Variants in TEX15 observed in about 807,000 individuals in gnomAD.
TEX15 encodes testis expressed 15, meiosis and synapsis associated.
A neutral mutation model predicts 237.3 loss-of-function variants in TEX15; 171 were observed. The observed-to-expected ratio is 0.72, with a 90% CI of 0.64 to 0.82. TEX15 has a LOEUF of 0.82. TEX15 is among the 40% of genes least tolerant of loss of function. TEX15 has a pLI of 0.00. For synonymous variants in TEX15, 1,338 were observed against 1,269.8 expected (o/e 1.05, Z -1.14); for missense variants, 3,750 against 3,646.5 (o/e 1.03, Z -0.73).
rs1326973838 is a variant in TEX15, at chr8:30,842,827, T to C, written c.7340A>G (p.Glu2447Gly). The change falls in exon 8 of 11, where the codon GAA becomes GGA. Residue 2447 changes from glutamate (E) to glycine (G), a missense_variant. Transcript: ENST00000643185. ...AATTGTTTCTGAGACCATGACGATT[T>C]CAATATACATTTCAATAGCTTCAGG... ...LKPEAIEMYI[E>G]IVMVSETIHF... 6.2e-7 allele frequency: 1 copy of C among 1,613,054 alleles called. No individual in the cohort carries two copies.
At chr8:30,851,093 T>C (rs1004046091) in intron 7 of TEX15, among the ~76,000 whole-genome samples, 7 of 152,152 alleles carry the variant, frequency 4.6e-5, no homozygotes, top group Non-Finnish European at 8.8e-5. Context: ...TATGTAATCA[T>C]TCAAAGCAAA....
rs1262500374 is a variant in TEX15, at chr8:30,843,969, T to C, written c.6198A>G (p.Lys2066=). ...CTACCAAAGTGTCAACAGCACATGG[T>C]TTTAATGTGTGTTTGCAATTATTCC... is the stretch of plus-strand genomic sequence containing the variant. ...NLWNNCKHTL[K]PCAVDTLVEL... The change falls in exon 8 of 11, where the codon AAA becomes AAG. Residue 2066 remains lysine (K), a synonymous_variant. Coordinates refer to ENST00000643185, the MANE Select transcript of TEX15 (RefSeq NM_001350162.2). 2 of 1,613,008 alleles carry C rather than the reference T, an allele frequency of 1.2e-6. No individual in the cohort carries two copies. The highest frequency in any genetic ancestry group is 1.1e-5 in the South Asian group (1 of 90,984).
At chr8:30,871,291 T>C (rs1306075203) in intron 4 of TEX15, among the ~76,000 whole-genome samples, 1 of 152,052 alleles carries the variant, frequency 6.6e-6, no homozygotes, top group East Asian at 1.9e-4. Context: ...TTATGCTGCT[T>C]ACCACACACA....
At chr8:30,866,694 T>C (rs1808174842) in intron 5 of TEX15, among the ~76,000 whole-genome samples, 1 of 151,560 alleles carries the variant, frequency 6.6e-6, no homozygotes, top group Admixed American at 6.6e-5. Flanking sequence ...TGGTGGCTAT[T>C]TTCTTCTATA....
At position 30,837,262 on chromosome 8, in the gene TEX15, G is replaced by C. The variant is rs781431786; in HGVS notation, c.9022C>G (p.Leu3008Val). The change falls in exon 10 of 11, where the codon CTA becomes GTA. Residue 3008 changes from leucine to valine, a missense_variant. Coordinates refer to ENST00000643185, the MANE Select transcript of TEX15 (RefSeq NM_001350162.2). ...EQQNDKNSKV[L>V]MQNAATYWNE... ...CAATATGTGGCAGCATTCTGCATTA[G>C]GACTTTTGAATTTTTGTCATTCTGT... 6.2e-7 allele frequency: 1 copy of C among 1,614,118 alleles called. No individual in the cohort carries two copies. The highest frequency in any genetic ancestry group is 1.7e-5 in the Admixed American group (1 of 60,010).
intron 1 of TEX15, among the ~76,000 whole-genome samples, chr8:30,905,405 A>T (rs1433653152): frequency 2.0e-5 from 3 of 152,180 alleles, no homozygotes; most frequent in Non-Finnish European, 4.4e-5. Context: ...TAAAAATTTT[A>T]GTCCTACTTT....
At chr8:30,838,648 T>C (rs1266856950) in intron 9 of TEX15, among the ~76,000 whole-genome samples, 1 of 150,740 alleles carries the variant, frequency 6.6e-6, no homozygotes, top group African/African-American at 2.4e-5. Context: ...CAAATGGGAA[T>C]TGTCTAAAGC....
intron 3 of TEX15, chr8:30,886,955 G>A (rs188184476): frequency 3.7e-4 from 149 of 402,956 alleles, no homozygotes; most frequent in African/African-American, 2.2e-3. Flanking sequence ...TCATAAAAAT[G>A]TCCAGGGTTT....
chr8:30,868,009 A>G (rs1808209996), intron 4 of TEX15, among the ~76,000 whole-genome samples: 1 of 152,036 alleles, frequency 6.6e-6, no homozygotes, highest in African/African-American at 2.4e-5. Context: ...CATTTTCTAA[A>G]CAAAGTATCT....
chr8:30,844,053 T>C lies in TEX15; in HGVS notation c.6114A>G (p.Gln2038=). 1 of 1,611,968 alleles carries C rather than the reference T, an allele frequency of 6.2e-7. No individual in the cohort carries two copies. The change falls in exon 8 of 11, where the codon CAA becomes CAG. Residue 2038 remains glutamine (Q), a synonymous_variant. Coordinates refer to ENST00000643185, the MANE Select transcript of TEX15 (RefSeq NM_001350162.2). ...PLFVEAFERK[Q]ECSVEQILIS... is the part of the protein sequence containing the mutation. The stretch of plus-strand genomic sequence containing the variant: ...TCAGGATTTGTTCAACTGAACATTC[T>C]TGCTTTCTTTCAAAAGCTTCCACAA...
At chr8:30,834,454 G>C (rs1215192870) in intron 10 of TEX15, among the ~76,000 whole-genome samples, 1 of 149,972 alleles carries the variant, frequency 6.7e-6, no homozygotes, top group African/African-American at 2.4e-5. Context: ...TTACAGGCAT[G>C]AGCTACTGCG....
chr8:30,887,904 A>ATAT (rs897177349), intron 2 of TEX15: 1 of 77,440 alleles, frequency 1.3e-5, no homozygotes, highest in Non-Finnish European at 2.2e-5. Context: ...ATATATATAT[A>ATAT]TATATATATA....
intron 7 of TEX15, among the ~76,000 whole-genome samples, chr8:30,854,315 G>C (rs1807856772): frequency 6.8e-6 from 1 of 147,620 alleles, no homozygotes; most frequent in Non-Finnish European, 1.5e-5. Flanking sequence ...AATGAAAGAG[G>C]GGACATTACT....
intron 1 of TEX15, among the ~76,000 whole-genome samples, chr8:30,907,118 G>T (rs1253632265): frequency 6.6e-6 from 1 of 152,142 alleles, no homozygotes; most frequent in African/African-American, 2.4e-5. Flanking sequence ...TACCACTGAA[G>T]AATTTGTTGT....
chr8:30,870,268 A>G (rs867704000), intron 4 of TEX15, among the ~76,000 whole-genome samples: 1 of 152,038 alleles, frequency 6.6e-6, no homozygotes, highest in Admixed American at 6.6e-5. Flanking sequence ...CTTTTTGTAG[A>G]CCAGGAACTT....
rs1563242180 is a variant in TEX15, at chr8:30,847,445, GGTAATTTTTGTC to G, written c.2710_2721del (p.Asp904_Tyr907del). ...TCAGAACTCAAAATTTCTATATTGT[GGTAATTTTTGTC>G]CTCCTTTTCATCTATATTGCTGAAA... On this transcript the variant is annotated inframe_deletion, in exon 8 of 11. Coordinates refer to ENST00000643185, the MANE Select transcript of TEX15 (RefSeq NM_001350162.2). 1.9e-6 allele frequency: 3 copies of G among 1,610,622 alleles called. No homozygotes were observed. The highest frequency in any genetic ancestry group is 2.5e-6 in the Non-Finnish European group (3 of 1,179,200).
At chr8:30,907,305 G>C (rs1423303248) in intron 1 of TEX15, among the ~76,000 whole-genome samples, 1 of 151,864 alleles carries the variant, frequency 6.6e-6, no homozygotes, top group African/African-American at 2.4e-5. Context: ...ATTTCTCCTG[G>C]TGACTGGATA....
At chr8:30,850,471 C>G (rs1290151777) in intron 7 of TEX15, among the ~76,000 whole-genome samples, 1 of 152,112 alleles carries the variant, frequency 6.6e-6, no homozygotes, top group Non-Finnish European at 1.5e-5. Context: ...ATGAAGTTAT[C>G]ATGTCACTGA....
Position 30,847,040 on chromosome 8 carries a change from G to A in TEX15, c.3127C>T (p.His1043Tyr). The A allele has an allele frequency of 1.2e-6, 2 of 1,611,918 alleles. No individual in the cohort carries two copies. Among genetic ancestry groups the A allele is most frequent in the Admixed American group, 1.7e-5 (1 of 59,934 alleles). ...ACTAAGTTCTCATTTATTGATTGAT[G>A]AAATGATTCTTGTGATTTATTTTTA... The part of the protein sequence containing the change: ...TDKNKSQESF[H>Y]QSINENLVLQ... The change falls in exon 8 of 11, where the codon CAT becomes TAT. Residue 1043 changes from histidine to tyrosine, a missense_variant. Coordinates refer to ENST00000643185, the MANE Select transcript of TEX15 (RefSeq NM_001350162.2).
Sources: gnomAD v4.1 joint callset for allele counts (sites outside exome capture counted in the v4.1 genomes callset) on GRCh38, gnomAD v4.1.1 for gene constraint, MANE v1.5 for transcripts, NCBI Gene and HGNC (gene_info 2026-07-23, HGNC 2026-07-21) for gene names.